APBB2: variants seen among roughly 807,000 people sequenced by gnomAD.
APBB2 encodes the protein amyloid beta precursor protein binding family B member 2.
A neutral mutation model predicts 82.5 loss-of-function variants in APBB2; 38 were observed. That is an observed-to-expected ratio of 0.46 (90% CI 0.36 to 0.60). APBB2 has a LOEUF of 0.60. Ranked by LOEUF, APBB2 falls within the 20% of genes least tolerant of loss-of-function variation. The probability of loss-of-function intolerance (pLI) is 0.00; values close to 1 mark genes in which losing one functional copy is unlikely to be tolerated. For synonymous variants in APBB2, 341 were observed against 368.2 expected, an observed-to-expected ratio of 0.93 and a Z score of 0.85; for missense variants, 772 against 972.3, an observed-to-expected ratio of 0.79 and a Z score of 2.74.
intron 12 of APBB2, among the ~76,000 whole-genome samples, chr4:40,867,275 T>C (rs548202366): frequency 6.6e-6 from 1 of 152,336 alleles, no homozygotes; most frequent in Non-Finnish European, 1.5e-5. Context: ...AATGACCTTT[T>C]AGTCATTCTA....
Position 41,190,374 on chromosome 4 carries a change from C to T in APBB2, c.-417+24031G>A, listed in dbSNP as rs1038110407. On this transcript the variant is annotated intron_variant, in intron 1 of 17. Transcript: ENST00000508593. Reference sequence around the variant, plus strand: ...TCAAGCAATTCTCTGCCTCAGCCCGCGAGTAGCTGGGATTACAGGCACCCA... The same window carrying T: ...TCAAGCAATTCTCTGCCTCAGCCCGTGAGTAGCTGGGATTACAGGCACCCA... Among the ~76,000 whole-genome samples, 5 of 151,414 alleles carry T rather than the reference C, an allele frequency of 3.3e-5. No homozygotes were observed. In the South Asian group the frequency reaches 8.3e-4, roughly 25 times the overall value.
At chr4:40,891,277 C>CACCT (rs1201035633) in intron 11 of APBB2, among the ~76,000 whole-genome samples, 1 of 152,186 alleles carries the variant, frequency 6.6e-6, no homozygotes, top group African/African-American at 2.4e-5. Context: ...CCCATCTCCC[C>CACCT]ACCTGTGTTG....
chr4:41,123,233 G>A (rs559456727), intron 2 of APBB2, among the ~76,000 whole-genome samples: 3 of 151,920 alleles, frequency 2.0e-5, no homozygotes, highest in South Asian at 2.1e-4. Context: ...ACCATTCATC[G>A]TCACTGGCTG....
At chr4:40,998,839 G>A (rs940949188) in intron 6 of APBB2, among the ~76,000 whole-genome samples, 1 of 152,064 alleles carries the variant, frequency 6.6e-6, no homozygotes, top group Non-Finnish European at 1.5e-5. Flanking sequence ...AGAGACAGAC[G>A]GCTACTAAGC....
chr4:41,184,999 A>G (rs1413271565), intron 1 of APBB2, among the ~76,000 whole-genome samples: 2 of 152,184 alleles, frequency 1.3e-5, no homozygotes, highest in East Asian at 3.9e-4. Context: ...GGAGAATCCA[A>G]CCTGAGACAC....
chr4:40,888,209 T>A (rs531249676), intron 12 of APBB2, among the ~76,000 whole-genome samples: 15 of 152,370 alleles, frequency 9.8e-5, no homozygotes, highest in African/African-American at 3.6e-4. Context: ...CATATACGTA[T>A]GTGTTGTGGT....
At chr4:40,978,822 CATTAG>C (rs1386136790) in intron 6 of APBB2, among the ~76,000 whole-genome samples, 1 of 152,002 alleles carries the variant, frequency 6.6e-6, no homozygotes, top group Non-Finnish European at 1.5e-5. Context: ...TTCGTATACA[CATTAG>C]ATGAAAAATG....
intron 1 of APBB2, among the ~76,000 whole-genome samples, chr4:41,195,482 C>A: frequency 7.6e-6 from 1 of 131,192 alleles, no homozygotes. Context: ...GCATCCAGTT[C>A]TCCACCATTC....
intron 3 of APBB2, among the ~76,000 whole-genome samples, chr4:41,072,442 T>C (rs1329461203): frequency 6.6e-6 from 1 of 152,206 alleles, no homozygotes; most frequent in Admixed American, 6.5e-5. Context: ...CTCATTTCTG[T>C]TATAGTACCA....
chr4:41,181,087 C>T (rs1771205183), intron 1 of APBB2, among the ~76,000 whole-genome samples: 1 of 152,176 alleles, frequency 6.6e-6, no homozygotes, highest in Admixed American at 6.5e-5. Context: ...GCTAATATGG[C>T]CTTGTAGAAA....
intron 1 of APBB2, among the ~76,000 whole-genome samples, chr4:41,161,333 A>G (rs957519722): frequency 6.6e-6 from 1 of 152,144 alleles, no homozygotes; most frequent in Non-Finnish European, 1.5e-5. Flanking sequence ...TCAGCCGGGC[A>G]TGGTGGCTCA....
chr4:41,064,636 C>T (rs1731056694), intron 4 of APBB2, among the ~76,000 whole-genome samples: 1 of 152,150 alleles, frequency 6.6e-6, no homozygotes. Flanking sequence ...TCATTTTTCT[C>T]CCAGGTTAAT....
chr4:40,893,698 C>G (rs572934043), intron 10 of APBB2, among the ~76,000 whole-genome samples: 1 of 152,302 alleles, frequency 6.6e-6, no homozygotes, highest in Admixed American at 6.5e-5. Context: ...GTGGCTTACA[C>G]CTGTGATCCT....
chr4:41,147,024 G>A (rs559799451), intron 1 of APBB2, among the ~76,000 whole-genome samples: 5 of 152,226 alleles, frequency 3.3e-5, no homozygotes, highest in South Asian at 2.1e-4. Context: ...ATATATTCCC[G>A]TGACGGATCC....
intron 7 of APBB2, among the ~76,000 whole-genome samples, 184 bp downstream of exon 7, chr4:40,944,681 A>G (rs375485356): frequency 7.2e-4 from 110 of 152,330 alleles, no homozygotes; most frequent in African/African-American, 2.5e-3. Context: ...AAATAAAAAC[A>G]TCCCTGAAAG....
intron 3 of APBB2, among the ~76,000 whole-genome samples, chr4:41,074,460 A>G (rs1470401912): frequency 6.6e-6 from 1 of 152,218 alleles, no homozygotes; most frequent in Non-Finnish European, 1.5e-5. Context: ...ACTCTTTATC[A>G]TAGTGACAAC....
At chr4:41,176,168 G>GT (rs1485911469) in intron 1 of APBB2, among the ~76,000 whole-genome samples, 1 of 152,036 alleles carries the variant, frequency 6.6e-6, no homozygotes, top group East Asian at 1.9e-4. Flanking sequence ...CCCTGGCTCT[G>GT]TTACTGAAAT....
chr4:41,063,555 C>A (rs1208996253), intron 4 of APBB2, among the ~76,000 whole-genome samples: 5 of 152,156 alleles, frequency 3.3e-5, no homozygotes, highest in Non-Finnish European at 5.9e-5. Flanking sequence ...GGTTGTTGGT[C>A]CGAATCCCTA....
intron 3 of APBB2, among the ~76,000 whole-genome samples, chr4:41,092,224 A>G (rs1463966143): frequency 6.6e-6 from 1 of 152,248 alleles, no homozygotes; most frequent in East Asian, 1.9e-4. Context: ...TTAGTTCACA[A>G]GTAAAAGGAA....
Sources: gnomAD v4.1 joint callset for allele counts (sites outside exome capture counted in the v4.1 genomes callset) on GRCh38, gnomAD v4.1.1 for gene constraint, MANE v1.5 for transcripts, NCBI Gene and HGNC (gene_info 2026-07-23, HGNC 2026-07-21) for gene names.